Variants in KLF12 observed in about 807,000 individuals in gnomAD.
KLF12 encodes the protein KLF transcription factor 12, also known as Krueppel-like factor 12.
KLF12 carries 9 observed loss-of-function variants against 37.8 expected under a neutral mutation model. The ratio of observed to expected loss-of-function variants is 0.24; its 90% CI spans 0.14 to 0.42. The LOEUF (loss-of-function observed/expected upper bound fraction) is 0.42, where lower values mean the gene tolerates loss of function less well. Among genes scored for constraint, KLF12 ranks in the 10% least tolerant of loss-of-function variants. The probability of loss-of-function intolerance (pLI) is 1.00; values close to 1 mark genes in which losing one functional copy is unlikely to be tolerated. For synonymous variants in KLF12, 208 were observed against 202.1 expected (o/e 1.03, Z -0.25); for missense variants, 411 against 516.0 (o/e 0.80, Z 1.97).
At chr13:73,969,994 CTTAG>C (rs918997859) in intron 2 of KLF12, among the ~76,000 whole-genome samples, 2 of 152,168 alleles carry the variant, frequency 1.3e-5, no homozygotes, top group African/African-American at 4.8e-5. Flanking sequence ...TCCCACAGTG[CTTAG>C]TTAGGTTCAA....
At chr13:74,264,796 T>C in the KLF12 span, among the ~76,000 whole-genome samples, 1 of 152,198 alleles carries the variant, frequency 6.6e-6, no homozygotes, top group Admixed American at 6.5e-5. Flanking sequence ...ACTTAACAAT[T>C]TGTATAATAA....
At chr13:73,753,772 A>G (rs2137992592) in intron 6 of KLF12, among the ~76,000 whole-genome samples, 1 of 152,316 alleles carries the variant, frequency 6.6e-6, no homozygotes, top group Admixed American at 6.5e-5. Context: ...AATACAGGCT[A>G]GGAGAAAATA....
chr13:74,054,496 G>A (rs1238933516), intron 1 of KLF12, among the ~76,000 whole-genome samples: 1 of 152,100 alleles, frequency 6.6e-6, no homozygotes, highest in African/African-American at 2.4e-5. Context: ...GAAGAGCAAG[G>A]AAGTGAATAC....
chr13:74,169,795 C>G, the KLF12 span, among the ~76,000 whole-genome samples: 1 of 152,126 alleles, frequency 6.6e-6, no homozygotes, highest in Non-Finnish European at 1.5e-5. Context: ...GAGGAAGAGA[C>G]ACCATGAACA....
chr13:73,709,425 A>G (rs1311961529), intron 7 of KLF12, among the ~76,000 whole-genome samples: 5 of 152,196 alleles, frequency 3.3e-5, no homozygotes, highest in Non-Finnish European at 7.3e-5. Context: ...CTTACTCAAT[A>G]TGCCTGAAGC....
chr13:74,217,825 A>G, the KLF12 span, among the ~76,000 whole-genome samples: 1 of 152,248 alleles, frequency 6.6e-6, no homozygotes, highest in Non-Finnish European at 1.5e-5. Flanking sequence ...CAATGTATTC[A>G]TATGCTAGAT....
chr13:74,299,530 C>A, the KLF12 span, among the ~76,000 whole-genome samples: 1 of 152,062 alleles, frequency 6.6e-6, no homozygotes, highest in Non-Finnish European at 1.5e-5. Flanking sequence ...ATAATATCAA[C>A]CTGACTTAGG....
At chr13:74,192,351 A>C in the KLF12 span, among the ~76,000 whole-genome samples, 1 of 152,210 alleles carries the variant, frequency 6.6e-6, no homozygotes, top group East Asian at 1.9e-4. Context: ...AGAACTAGCA[A>C]TTTGAACTAG....
intron 1 of KLF12, among the ~76,000 whole-genome samples, chr13:74,133,239 C>T (rs1223479085): frequency 6.6e-6 from 1 of 152,126 alleles, no homozygotes; most frequent in African/African-American, 2.4e-5. Context: ...CCAGCGCGCA[C>T]ACACAGCCCA....
chr13:73,988,973 A>G (rs1891895372), intron 2 of KLF12, among the ~76,000 whole-genome samples: 1 of 152,232 alleles, frequency 6.6e-6, no homozygotes. Context: ...ACTGAAATAT[A>G]CAAGCAAAGT....
intron 1 of KLF12, among the ~76,000 whole-genome samples, chr13:74,070,058 C>T (rs759117407): frequency 1.7e-4 from 26 of 151,908 alleles, no homozygotes; most frequent in Non-Finnish European, 2.6e-4. Flanking sequence ...AATTTGAAGC[C>T]GCAGAAATAA....
the KLF12 span, chr13:74,289,096 T>A: frequency 6.6e-6 from 1 of 152,230 alleles, no homozygotes; most frequent in Non-Finnish European, 1.5e-5. Context: ...TTTTTCTATT[T>A]TTTTTAAGAC....
chr13:73,866,221 C>T lies in KLF12; in HGVS notation c.124-19848G>A, dbSNP rs143171190. On this transcript the variant is annotated intron_variant, in intron 3 of 7. Coordinates refer to ENST00000377669, the MANE Select transcript of KLF12 (RefSeq NM_007249.5). Reference sequence around the variant, plus strand: ...AGTGAGCTGAGATCACGCCACTGCACTCCAGCCTGGGCGACAGAGCAAGAC... The same window carrying T: ...AGTGAGCTGAGATCACGCCACTGCATTCCAGCCTGGGCGACAGAGCAAGAC... Among the ~76,000 whole-genome samples the T allele has an allele frequency of 4.4e-3, 669 of 152,274 alleles. 4 individuals are homozygous for T. Among genetic ancestry groups the T allele is most frequent in the African/African-American group, 9.9e-3 (412 of 41,554 alleles).
At chr13:74,213,728 A>G in the KLF12 span, among the ~76,000 whole-genome samples, 2 of 151,636 alleles carry the variant, frequency 1.3e-5, no homozygotes, top group Non-Finnish European at 2.9e-5. Flanking sequence ...CATAGTTCGA[A>G]CTCTAAAAAA....
At chr13:73,756,551 T>C (rs1437544382) in intron 6 of KLF12, among the ~76,000 whole-genome samples, 1 of 152,182 alleles carries the variant, frequency 6.6e-6, no homozygotes, top group African/African-American at 2.4e-5. Flanking sequence ...ACGTAAGGCA[T>C]TACGACCTTA....
the KLF12 span, among the ~76,000 whole-genome samples, chr13:74,233,432 C>T: frequency 2.6e-5 from 4 of 152,052 alleles, no homozygotes; most frequent in African/African-American, 9.7e-5. Flanking sequence ...GAGAGTGCCT[C>T]GGGACAAGTA....
At chr13:73,827,406 C>T (rs993955453) in intron 4 of KLF12, among the ~76,000 whole-genome samples, 2 of 152,144 alleles carry the variant, frequency 1.3e-5, no homozygotes, top group African/African-American at 4.8e-5. Flanking sequence ...TGTTGTAAGA[C>T]TTAATATTTC....
At chr13:74,297,063 A>G in the KLF12 span, among the ~76,000 whole-genome samples, 1 of 77,314 alleles carries the variant, frequency 1.3e-5, no homozygotes, top group African/African-American at 2.7e-5. Context: ...TACAAAGTGA[A>G]AGTCATTCAT....
intron 1 of KLF12, among the ~76,000 whole-genome samples, chr13:74,126,967 G>A (rs1473351037): frequency 6.6e-6 from 1 of 152,142 alleles, no homozygotes; most frequent in South Asian, 2.1e-4. Flanking sequence ...ATACAATAAG[G>A]AGTATTTTAT....
Sources: gnomAD v4.1 joint callset for allele counts (sites outside exome capture counted in the v4.1 genomes callset) on GRCh38, gnomAD v4.1.1 for gene constraint, MANE v1.5 for transcripts, NCBI Gene and HGNC (gene_info 2026-07-23, HGNC 2026-07-21) for gene names.